MALRD1: variants seen among roughly 807,000 people sequenced by gnomAD.
MALRD1 encodes the protein MAM and LDL-receptor class A domain-containing protein 1.
Under a neutral mutation model 242.1 loss-of-function variants are expected in MALRD1, and 247 were observed. The ratio of observed to expected loss-of-function variants is 1.02; its 90% CI spans 0.92 to 1.13. The LOEUF (loss-of-function observed/expected upper bound fraction) is 1.13, where lower values mean the gene tolerates loss of function less well. MALRD1 is among the 50% of genes most tolerant of loss of function. MALRD1 has a pLI of 0.00. For missense variants in MALRD1, 2,989 were observed against 2,533.1 expected, an observed-to-expected ratio of 1.18 and a Z score of -3.86; for synonymous variants, 995 against 866.6, an observed-to-expected ratio of 1.15 and a Z score of -2.60.
chr10:19,223,251 A>G (rs1837641974), intron 18 of MALRD1, among the ~76,000 whole-genome samples: 1 of 152,112 alleles, frequency 6.6e-6, no homozygotes, highest in South Asian at 2.1e-4. Context: ...CCTGGTGGTA[A>G]CAAAATTGCC....
chr10:19,417,494 T>A (rs1833555484), intron 28 of MALRD1, among the ~76,000 whole-genome samples: 1 of 152,178 alleles, frequency 6.6e-6, no homozygotes, highest in Non-Finnish European at 1.5e-5. Flanking sequence ...TTAATACTCA[T>A]TGAATTCCAT....
At chr10:19,527,974 C>G (rs76695645) in intron 31 of MALRD1, among the ~76,000 whole-genome samples, 6,178 of 152,230 alleles carry the variant, frequency 0.041, 386 homozygotes, top group African/African-American at 0.13. Flanking sequence ...GAATAAGCCA[C>G]CGTTCATAGT....
rs187028362 is a variant in MALRD1 at position 19,498,500 on chromosome 10, C to T, written c.5174C>T (p.Thr1725Ile). 7.7e-6 allele frequency: 12 copies of T among 1,550,148 alleles called. No homozygotes were observed. In the Admixed American group the frequency reaches 7.8e-5, roughly 10 times the overall value. ...GCTTCCCCAGCACATTATACAAGCA[C>T]AACAGGAAGCTGCAATTTTGAAACA... Reference protein sequence around the residue: ...DEAHCAHYTSTTGSCNFETSS... With the variant: ...DEAHCAHYTSITGSCNFETSS... Residue 1725 changes from threonine to isoleucine, a missense_variant, in exon 31 of 40, where the codon ACA becomes ATA. Thr to Ile is a moderately conservative substitution (Grantham distance 89). Coordinates refer to ENST00000454679, the MANE Select transcript of MALRD1 (RefSeq NM_001142308.3).
chr10:19,321,623 G>T (rs1243910526), intron 21 of MALRD1, among the ~76,000 whole-genome samples: 1 of 151,894 alleles, frequency 6.6e-6, no homozygotes, highest in Admixed American at 6.6e-5. Flanking sequence ...TTTTCTTTTT[G>T]TTAGAAACAT....
chr10:19,163,433 C>G (rs1263182701), intron 12 of MALRD1, among the ~76,000 whole-genome samples: 1 of 147,830 alleles, frequency 6.8e-6, no homozygotes, highest in African/African-American at 2.5e-5. Context: ...TTCTCACTTG[C>G]AAGTTGGGAG....
At chr10:19,168,977 A>G (rs919364680) in intron 13 of MALRD1, among the ~76,000 whole-genome samples, 17 of 152,202 alleles carry the variant, frequency 1.1e-4, no homozygotes, top group African/African-American at 4.1e-4. Flanking sequence ...ATAAGAAAAA[A>G]AAATTCCCTC....
intron 1 of MALRD1, among the ~76,000 whole-genome samples, chr10:19,063,530 A>G (rs1234960900): frequency 6.6e-6 from 1 of 152,124 alleles, no homozygotes; most frequent in Non-Finnish European, 1.5e-5. Flanking sequence ...ACTTTGGCAT[A>G]TTATTTAATA....
intron 11 of MALRD1, among the ~76,000 whole-genome samples, chr10:19,154,443 T>C (rs999187563): frequency 1.3e-5 from 2 of 152,190 alleles, no homozygotes; most frequent in African/African-American, 4.8e-5. Flanking sequence ...TAGCCTTCCT[T>C]GTAAGTCTTC....
intron 26 of MALRD1, among the ~76,000 whole-genome samples, chr10:19,357,127 A>G (rs1417168401): frequency 1.3e-5 from 2 of 151,922 alleles, no homozygotes; most frequent in East Asian, 3.9e-4. Context: ...AAAATAAAAA[A>G]CAAAACAAAA....
intron 7 of MALRD1, among the ~76,000 whole-genome samples, chr10:19,125,306 C>CTTTCTTT (rs1564407776): frequency 3.1e-5 from 2 of 64,730 alleles, no homozygotes; most frequent in Non-Finnish European, 5.8e-5. Context: ...TCCTTCCTTC[C>CTTTCTTT]TTCCTTCCTT....
chr10:19,594,379 C>A (rs942223586), intron 33 of MALRD1, among the ~76,000 whole-genome samples: 1 of 152,136 alleles, frequency 6.6e-6, no homozygotes. Context: ...CACTTTTACA[C>A]TGCTGGTGGG....
chr10:19,470,078 C>T (rs141951134), intron 29 of MALRD1, among the ~76,000 whole-genome samples: 1 of 151,968 alleles, frequency 6.6e-6, no homozygotes, highest in African/African-American at 2.4e-5. Context: ...ATAACTGAAC[C>T]TTTGTACCCC....
At chr10:19,261,322 A>G (rs558022465) in intron 19 of MALRD1, among the ~76,000 whole-genome samples, 142 of 152,144 alleles carry the variant, frequency 9.3e-4, no homozygotes, top group African/African-American at 3.1e-3. Context: ...TTTTTTTGCA[A>G]TGGCATAACA....
intron 31 of MALRD1, among the ~76,000 whole-genome samples, chr10:19,530,448 A>ATG (rs1220141365): frequency 0.34 from 34,095 of 99,322 alleles, 12,298 homozygotes; most frequent in Non-Finnish European, 0.49. Flanking sequence ...AATATATAAT[A>ATG]TATAATATAT....
At chr10:19,527,409 A>T (rs1834151000) in intron 31 of MALRD1, among the ~76,000 whole-genome samples, 1 of 152,204 alleles carries the variant, frequency 6.6e-6, no homozygotes, top group Non-Finnish European at 1.5e-5. Context: ...CATTTACATA[A>T]ATACAAGATT....
chr10:19,069,674 G>A (rs1005544336), intron 2 of MALRD1, among the ~76,000 whole-genome samples: 3 of 150,108 alleles, frequency 2.0e-5, no homozygotes, highest in Admixed American at 2.0e-4. Flanking sequence ...TTTTTTCATG[G>A]TCTTTTTTTT....
intron 28 of MALRD1, among the ~76,000 whole-genome samples, chr10:19,445,730 AGGCTACTTG>A (rs1834936857): frequency 6.6e-6 from 1 of 152,160 alleles, no homozygotes; most frequent in African/African-American, 2.4e-5. Flanking sequence ...TCTCCCACTT[AGGCTACTTG>A]GGCTCAGAGA....
chr10:19,311,672 G>C (rs1334663592), intron 21 of MALRD1, among the ~76,000 whole-genome samples: 1 of 151,322 alleles, frequency 6.6e-6, no homozygotes, highest in Non-Finnish European at 1.5e-5. Flanking sequence ...AAAGCTCAGG[G>C]TAGAAATGAA....
chr10:19,087,498 C>T (rs942775121), intron 2 of MALRD1, among the ~76,000 whole-genome samples: 22 of 150,152 alleles, frequency 1.5e-4, no homozygotes, highest in African/African-American at 5.1e-4. Context: ...TCACTTGGCG[C>T]CTTAAATTCA....
Sources: allele counts gnomAD v4.1 joint callset (sites outside exome capture counted in the v4.1 genomes callset), GRCh38; gene constraint gnomAD v4.1.1; transcripts MANE v1.5; gene names NCBI Gene and HGNC (gene_info 2026-07-23, HGNC 2026-07-21).